Variants in CCDC88A observed in about 807,000 individuals in gnomAD.
CCDC88A encodes coiled-coil and HOOK domain protein 88A, also known as girdin.
Under a neutral mutation model 234.3 loss-of-function variants are expected in CCDC88A, and 54 were observed. The observed-to-expected ratio is 0.23, with a 90% CI of 0.19 to 0.29. The LOEUF is 0.29. CCDC88A is among the 10% of genes least tolerant of loss of function. The pLI, the probability that CCDC88A is intolerant of heterozygous loss-of-function variation, is 1.00. For missense variants in CCDC88A, 1,832 were observed against 2,123.4 expected (o/e 0.86, Z 2.70); for synonymous variants, 753 against 737.8 (o/e 1.02, Z -0.33).
intron 18 of CCDC88A, 133 bp downstream of exon 18, chr2:55,322,395 A>T: frequency 1.8e-6 from 1 of 561,358 alleles, no homozygotes; most frequent in Non-Finnish European, 3.1e-6. Context: ...TAGAAAAAGG[A>T]CTATATGACT....
In CCDC88A at chr2:55,335,509, C is replaced by T. The variant is rs1038675730; in HGVS notation, c.1657-345G>A. 6.6e-6 allele frequency among the ~76,000 whole-genome samples: 1 copy of T among 152,176 alleles called. No individual in the cohort carries two copies. Among genetic ancestry groups the T allele is most frequent in the Non-Finnish European group, 1.5e-5 (1 of 68,022 alleles). On this transcript the variant is annotated intron_variant, in intron 14 of 32. Transcript: ENST00000436346. The surrounding 1 kb of genome is among the most constrained non-coding windows in gnomAD (Gnocchi z 4.5). The stretch of plus-strand genomic sequence containing the variant: ...TTCAAATAGGAATACAGGTAACACA[C>T]ACACATACCTCCTTGAGAACATAAG...
At chr2:55,371,620 T>A (rs183016754) in intron 5 of CCDC88A, among the ~76,000 whole-genome samples, 3 of 152,280 alleles carry the variant, frequency 2.0e-5, no homozygotes, top group Admixed American at 1.3e-4. Context: ...CCTGGGACAG[T>A]CCCAGTTTAC....
Position 55,339,527 on chromosome 2 carries a change from A to G in CCDC88A, c.1455T>C (p.Ser485=). The G allele has an allele frequency of 6.2e-7, 1 of 1,611,862 alleles. No individual in the cohort carries two copies. Among genetic ancestry groups the G allele is most frequent in the Non-Finnish European group, 8.5e-7 (1 of 1,179,268 alleles). The change falls in exon 13 of 33, where the codon TCT becomes TCC. Residue 485 remains serine (S), a synonymous_variant. Coordinates refer to ENST00000436346, the MANE Select transcript of CCDC88A (RefSeq NM_001365480.1). The stretch of plus-strand genomic sequence containing the variant: ...GGATTTTGGAAGCATTGCCTTCTAC[A>G]GAATCCACAGTAGTCCGAAGCTCTT... The part of the protein sequence containing the change: ...TVEELRTTVD[S]VEGNASKILK...
chr2:55,332,754 T>C lies in CCDC88A; in HGVS notation c.2728-61A>G. ...TCAAGGGTATAAACATCTAAGAAAG[T>C]CAGCTAAGATTCTAATTACCACCAT... is the stretch of plus-strand genomic sequence containing the variant. On this transcript the variant is annotated intron_variant, in intron 15 of 32. Transcript: ENST00000436346. The surrounding 1 kb of genome is among the most constrained non-coding windows in gnomAD (Gnocchi z 4.5). 2.0e-6 allele frequency: 3 copies of C among 1,467,584 alleles called. No homozygotes were observed. The highest frequency in any genetic ancestry group is 2.8e-6 in the Non-Finnish European group (3 of 1,060,048). 90.9% of individuals were successfully genotyped at this position (1,467,584 alleles called of 1,614,324 possible). A position where few individuals can be genotyped will look rare whatever the true frequency, so the allele number is the denominator to read the frequency against.
At chr2:55,324,021 C>T (rs887316253) in intron 17 of CCDC88A, 3 of 152,156 alleles carry the variant, frequency 2.0e-5, no homozygotes, top group African/African-American at 7.2e-5. Flanking sequence ...CCGAAGGCTT[C>T]TCATTTTAAA....
intron 16 of CCDC88A, chr2:55,329,390 A>C (rs1402398267): frequency 3.3e-5 from 5 of 152,192 alleles, no homozygotes. Flanking sequence ...TACTGGAATT[A>C]ATTTTTATGT....
rs760444545 is a variant in CCDC88A at position 55,344,433 on chromosome 2, C to T, written c.1123G>A (p.Asp375Asn). The part of the protein sequence containing the change: ...DQLEGTRARS[D>N]KLHELEKENL... The stretch of plus-strand genomic sequence containing the variant: ...TCTTTTTCTAATTCATGTAATTTAT[C>T]AGAACGAGCACGAGTTCCCTCTAGT... Residue 375 changes from aspartate to asparagine, a missense_variant, in exon 11 of 33, where the codon GAT becomes AAT. Physicochemically the swap from Asp to Asn is conservative, Grantham distance 23. Coordinates refer to ENST00000436346, the MANE Select transcript of CCDC88A (RefSeq NM_001365480.1). The T allele has an allele frequency of 3.5e-5, 55 of 1,585,220 alleles. No individual in the cohort carries two copies. Among genetic ancestry groups the T allele is most frequent in the Non-Finnish European group, 8.6e-7 (1 of 1,161,128 alleles).
intron 17 of CCDC88A, among the ~76,000 whole-genome samples, chr2:55,324,947 T>TG (rs2104653159): frequency 6.6e-6 from 1 of 152,304 alleles, no homozygotes; most frequent in East Asian, 1.9e-4. Flanking sequence ...TGCCTGGCCA[T>TG]GGGCCAGGAC....
intron 2 of CCDC88A, among the ~76,000 whole-genome samples, chr2:55,396,546 T>C (rs1234749505): frequency 1.3e-5 from 2 of 152,074 alleles, no homozygotes; most frequent in Non-Finnish European, 2.9e-5. Context: ...TATAGGATCA[T>C]TCAAGAAAAC....
chr2:55,363,511 T>C (rs898164708), intron 6 of CCDC88A: 1 of 152,468 alleles, frequency 6.6e-6, no homozygotes, highest in Non-Finnish European at 1.5e-5. Context: ...ATGCTACAAA[T>C]CATTAATGTG....
chr2:55,299,896 T>G lies in CCDC88A; in HGVS notation c.4768A>C (p.Ser1590Arg), dbSNP rs1297763277. The G allele has an allele frequency of 1.2e-6, 2 of 1,613,666 alleles. No individual in the cohort carries two copies. Among genetic ancestry groups the G allele is most frequent in the Non-Finnish European group, 8.5e-7 (1 of 1,179,688 alleles). ...CTATTGCTAGTGGATGTTCTGCCAC[T>G]ATCAAGGCTGGCTGGTCTTGAAGCT... ...VHASRPASLD[S>R]GRTSTSNSNN... Residue 1590 changes from serine to arginine, a missense_variant, in exon 29 of 33, where the codon AGT (serine) becomes CGT (arginine). This residue lies in a region of CCDC88A where 422 missense variants were observed against 416.5 expected (regional missense o/e 1.01). Transcript: ENST00000436346.
intron 2 of CCDC88A, chr2:55,418,561 G>T (rs1681842044): frequency 6.0e-6 from 3 of 502,986 alleles, no homozygotes; most frequent in Non-Finnish European, 1.1e-5. Context: ...TTGGATTTCA[G>T]TACTGAAGAC....
At chr2:55,349,801 T>C in intron 8 of CCDC88A, 1 of 468,020 alleles carries the variant, frequency 2.1e-6, no homozygotes, top group African/African-American at 2.0e-5. Context: ...TCTTCCCTAA[T>C]GTTTTCCAAA....
intron 12 of CCDC88A, among the ~76,000 whole-genome samples, chr2:55,341,427 C>CACCTGGCCAGAATTTCATTCTTTTT (rs1668480515): frequency 2.7e-5 from 3 of 112,102 alleles, no homozygotes; most frequent in Non-Finnish European, 3.7e-5. Context: ...TGTGAGCCAC[C>CACCTGGCCAGAATTTCATTCTTTTT]ATGCCCGGCA....
At chr2:55,406,161 GAA>G (rs11287244) in intron 2 of CCDC88A, 15 of 130,952 alleles carry the variant, frequency 1.1e-4, no homozygotes, top group African/African-American at 1.7e-4. Flanking sequence ...ACTCTGTCCT[GAA>G]AAAAAAAAAA....
intron 25 of CCDC88A, among the ~76,000 whole-genome samples, chr2:55,306,899 T>C (rs1357980695): frequency 6.6e-6 from 1 of 152,196 alleles, no homozygotes; most frequent in East Asian, 1.9e-4. Context: ...TAATGCCTAA[T>C]ATCCTATACC....
rs1447151823 is a variant in CCDC88A, at chr2:55,335,444, C to A, written c.1657-280G>T. ...GTTGAGAAATGTATTTTCTATTAAT[C>A]ATAATGGTCTTCAGATTATTTACAG... On this transcript the variant is annotated intron_variant, in intron 14 of 32. Coordinates refer to ENST00000436346, the MANE Select transcript of CCDC88A (RefSeq NM_001365480.1). This position sits in a 1 kb window ranked among gnomAD's most constrained non-coding sequence, Gnocchi z 4.5. Among the ~76,000 whole-genome samples the A allele has an allele frequency of 6.6e-6, 1 of 152,164 alleles. No homozygotes were observed. The highest frequency in any genetic ancestry group is 6.5e-5 in the Admixed American group (1 of 15,272).
chr2:55,351,869 C>A (rs1382404978), intron 8 of CCDC88A, among the ~76,000 whole-genome samples: 4 of 152,144 alleles, frequency 2.6e-5, no homozygotes, highest in Non-Finnish European at 5.9e-5. Context: ...TATATCCATT[C>A]AGTGGAATAT....
chr2:55,322,851 A>C, intron 17 of CCDC88A, 159 bp from the exon 18 acceptor site: 1 of 429,048 alleles, frequency 2.3e-6, no homozygotes, highest in Non-Finnish European at 4.1e-6. Flanking sequence ...TTAAAATGTA[A>C]ATCCTTTCCT....
Sources: allele counts gnomAD v4.1 joint callset (sites outside exome capture counted in the v4.1 genomes callset), GRCh38; gene constraint gnomAD v4.1.1; regional missense constraint gnomAD v4.1.1; non-coding constraint Gnocchi (gnomAD v3.1); transcripts MANE v1.5; gene names NCBI Gene and HGNC (gene_info 2026-07-23, HGNC 2026-07-21).